The following DOCK3 variants were observed in gnomAD, a reference collection of about 807,000 sequenced individuals.
DOCK3 encodes dedicator of cytokinesis protein 3.
A neutral mutation model predicts 265.6 loss-of-function variants in DOCK3; 60 were observed. The ratio of observed to expected loss-of-function variants is 0.23; its 90% confidence interval spans 0.18 to 0.28. DOCK3 has a LOEUF of 0.28. Among genes scored for constraint, DOCK3 ranks in the 10% least tolerant of loss-of-function variants. The pLI is 1.00. For missense variants in DOCK3, 1,981 were observed against 2,594.3 expected (o/e 0.76, Z 5.14); for synonymous variants, 881 against 938.0 (o/e 0.94, Z 1.11).
chr3:51,038,238 A>G (rs776611359), intron 5 of DOCK3, among the ~76,000 whole-genome samples: 3 of 152,184 alleles, frequency 2.0e-5, no homozygotes, highest in Non-Finnish European at 4.4e-5. Context: ...TGTATAGGGT[A>G]TATATGGTAG....
At chr3:50,961,902 C>T (rs927582904) in intron 5 of DOCK3, among the ~76,000 whole-genome samples, 1 of 152,096 alleles carries the variant, frequency 6.6e-6, no homozygotes, top group Non-Finnish European at 1.5e-5. Flanking sequence ...TAAATATTAT[C>T]TGAGCCTTCT....
At chr3:50,824,816 A>G (rs762912320) in intron 2 of DOCK3, among the ~76,000 whole-genome samples, 2 of 152,214 alleles carry the variant, frequency 1.3e-5, no homozygotes, top group Non-Finnish European at 2.9e-5. Flanking sequence ...TAGGAAGATC[A>G]TATCTGTGCC....
intron 22 of DOCK3, among the ~76,000 whole-genome samples, chr3:51,249,029 C>T (rs1298492501): frequency 1.3e-3 from 178 of 132,602 alleles, no homozygotes; most frequent in Non-Finnish European, 1.6e-3. Context: ...GGAGCCTCTC[C>T]GCCCGGCAGC....
intron 5 of DOCK3, among the ~76,000 whole-genome samples, chr3:50,960,115 A>T (rs981535080): frequency 2.0e-5 from 3 of 152,146 alleles, no homozygotes; most frequent in Admixed American, 2.0e-4. Context: ...CATTCATTGG[A>T]TTGTTTCCAC....
At chr3:50,869,531 C>T (rs974125545) in intron 3 of DOCK3, among the ~76,000 whole-genome samples, 1 of 151,170 alleles carries the variant, frequency 6.6e-6, no homozygotes, top group African/African-American at 2.4e-5. Context: ...CTGCCATGCC[C>T]AGCTAATTTC....
At chr3:51,004,181 C>T (rs1488063834) in intron 5 of DOCK3, among the ~76,000 whole-genome samples, 1 of 151,862 alleles carries the variant, frequency 6.6e-6, no homozygotes, top group Non-Finnish European at 1.5e-5. Context: ...CTTGGATGCC[C>T]GTTTTTTCTT....
intron 5 of DOCK3, among the ~76,000 whole-genome samples, chr3:51,054,440 C>T (rs950544774): frequency 2.0e-5 from 3 of 152,128 alleles, no homozygotes; most frequent in African/African-American, 7.2e-5. Context: ...CAATGATTTG[C>T]TGTAGATTAT....
intron 10 of DOCK3, among the ~76,000 whole-genome samples, chr3:51,147,219 AT>A (rs1188188778): frequency 1.3e-5 from 2 of 152,166 alleles, no homozygotes; most frequent in Admixed American, 6.5e-5. Flanking sequence ...TGCATAATTT[AT>A]TTTAAAGGTA....
At chr3:50,800,658 TTTTG>T (rs1287206747) in intron 2 of DOCK3, among the ~76,000 whole-genome samples, 1 of 152,170 alleles carries the variant, frequency 6.6e-6, no homozygotes, top group Non-Finnish European at 1.5e-5. Context: ...TTAGTCTCAA[TTTTG>T]TTTATTTCTG....
rs575125396 is a variant in DOCK3 at position 51,262,829 on chromosome 3, G to A, written c.2355+2503G>A. Among the ~76,000 whole-genome samples, 4 of 152,230 alleles carry A rather than the reference G, an allele frequency of 2.6e-5. No individual in the cohort carries two copies. The East Asian group carries it at 7.7e-4, about 29-fold the overall frequency. Reference sequence around the variant, plus strand: ...GGAAGAAAGGATATCAGAGATTGAAGATCAACTTACTGAAATAAGTCGTGA... The same window carrying A: ...GGAAGAAAGGATATCAGAGATTGAAAATCAACTTACTGAAATAAGTCGTGA... On this transcript the variant is annotated intron_variant, in intron 23 of 52. Coordinates refer to ENST00000266037, the MANE Select transcript of DOCK3 (RefSeq NM_004947.5).
At chr3:50,679,324 T>A (rs1173991652) in intron 1 of DOCK3, among the ~76,000 whole-genome samples, 1 of 152,140 alleles carries the variant, frequency 6.6e-6, no homozygotes, top group Non-Finnish European at 1.5e-5. Flanking sequence ...TTTTTATTAA[T>A]CCCTCTTAGT....
intron 14 of DOCK3, among the ~76,000 whole-genome samples, chr3:51,222,140 T>C (rs1490197693): frequency 6.6e-6 from 1 of 152,228 alleles, no homozygotes; most frequent in Non-Finnish European, 1.5e-5. Flanking sequence ...GTATGCAAAC[T>C]AACCTCCAAA....
intron 1 of DOCK3, among the ~76,000 whole-genome samples, chr3:50,739,428 C>T (rs1359268732): frequency 6.6e-6 from 1 of 152,070 alleles, no homozygotes; most frequent in Non-Finnish European, 1.5e-5. Context: ...TTCCTTCAGA[C>T]ATTTCTGCTT....
At chr3:50,794,191 A>G (rs533396035) in intron 2 of DOCK3, among the ~76,000 whole-genome samples, 8 of 152,300 alleles carry the variant, frequency 5.3e-5, no homozygotes, top group African/African-American at 1.9e-4. Flanking sequence ...TGTGGCAATG[A>G]GAAGAATGTA....
intron 9 of DOCK3, among the ~76,000 whole-genome samples, chr3:51,103,522 C>T (rs2083161322): frequency 6.6e-6 from 1 of 152,140 alleles, no homozygotes. Context: ...AATCTACCCT[C>T]AAAAAATTGA....
intron 5 of DOCK3, among the ~76,000 whole-genome samples, chr3:51,031,686 A>G (rs2080053647): frequency 6.6e-6 from 1 of 152,114 alleles, no homozygotes; most frequent in Non-Finnish European, 1.5e-5. Flanking sequence ...GTTTGTATCC[A>G]CCTCTAAATT....
intron 4 of DOCK3, among the ~76,000 whole-genome samples, chr3:50,919,694 A>T (rs1435321153): frequency 6.6e-6 from 1 of 152,170 alleles, no homozygotes; most frequent in East Asian, 1.9e-4. Context: ...TGTCATCTGC[A>T]GACAGGGACA....
At chr3:50,921,055 A>G (rs2050426499) in intron 4 of DOCK3, among the ~76,000 whole-genome samples, 1 of 152,190 alleles carries the variant, frequency 6.6e-6, no homozygotes, top group Non-Finnish European at 1.5e-5. Context: ...GTAGTTGAGC[A>G]GTTTAGAGTG....
intron 1 of DOCK3, among the ~76,000 whole-genome samples, chr3:50,676,927 T>G (rs750934039): frequency 1.2e-4 from 18 of 152,218 alleles, no homozygotes; most frequent in Non-Finnish European, 1.9e-4. Flanking sequence ...TCTTTTCCCT[T>G]AGTATTTAGA....
Sources: gnomAD v4.1 joint callset for allele counts (sites outside exome capture counted in the v4.1 genomes callset) on GRCh38, gnomAD v4.1.1 for gene constraint, MANE v1.5 for transcripts, NCBI Gene and HGNC (gene_info 2026-07-23, HGNC 2026-07-21) for gene names.